The following HMBOX1 variants were observed in gnomAD, a reference collection of about 807,000 sequenced individuals.
HMBOX1 encodes the protein homeobox-containing protein 1.
HMBOX1 carries 14 observed loss-of-function variants against 54.5 expected under a neutral mutation model. The ratio of observed to expected loss-of-function variants is 0.26; its 90% CI spans 0.17 to 0.40. HMBOX1 has a LOEUF of 0.40. Among genes scored for constraint, HMBOX1 ranks in the 10% least tolerant of loss-of-function variants. HMBOX1 has a pLI of 1.00. For missense variants in HMBOX1, 332 were observed against 514.4 expected (o/e 0.65, Z 3.43); for synonymous variants, 160 against 181.0 (o/e 0.88, Z 0.93).
chr8:29,014,368 C>T (rs1300676725), intron 5 of HMBOX1, among the ~76,000 whole-genome samples: 1 of 152,104 alleles, frequency 6.6e-6, no homozygotes, highest in Admixed American at 6.5e-5. Context: ...AGTTTAAAGG[C>T]TTAAATACAT....
chr8:28,900,267 A>ACATATATAT (rs1243910972), intron 1 of HMBOX1, among the ~76,000 whole-genome samples: 1 of 54,508 alleles, frequency 1.8e-5, no homozygotes, highest in Non-Finnish European at 4.3e-5. Context: ...AAAAAAAAAA[A>ACATATATAT]AAAAATATAT....
chr8:28,903,000 A>T (rs910292760), intron 1 of HMBOX1, among the ~76,000 whole-genome samples: 1 of 152,208 alleles, frequency 6.6e-6, no homozygotes, highest in African/African-American at 2.4e-5. Flanking sequence ...TTTCTTTAAC[A>T]ATATATAATG....
intron 6 of HMBOX1, among the ~76,000 whole-genome samples, chr8:29,023,989 A>G (rs1021510658): frequency 9.9e-5 from 15 of 152,282 alleles, no homozygotes; most frequent in African/African-American, 3.1e-4. Context: ...TTTGTTATCT[A>G]TCGACGATTG....
intron 1 of HMBOX1, among the ~76,000 whole-genome samples, chr8:28,955,064 T>C (rs982520158): frequency 2.6e-5 from 4 of 152,202 alleles, no homozygotes; most frequent in African/African-American, 9.6e-5. Flanking sequence ...CTTGACTTCA[T>C]GTAATATTTT....
At chr8:28,897,282 G>GTT (rs546304456) in intron 1 of HMBOX1, among the ~76,000 whole-genome samples, 2,645 of 145,900 alleles carry the variant, frequency 0.018, 66 homozygotes, top group African/African-American at 0.063. Context: ...TGGTCGGCTA[G>GTT]TTTTTTTTTT....
intron 1 of HMBOX1, among the ~76,000 whole-genome samples, chr8:28,958,343 T>C (rs1314358151): frequency 6.6e-6 from 1 of 152,196 alleles, no homozygotes; most frequent in Non-Finnish European, 1.5e-5. Flanking sequence ...AAAAAGATAT[T>C]TTTCTCTTTT....
intron 3 of HMBOX1, among the ~76,000 whole-genome samples, chr8:28,972,323 C>T (rs748985920): frequency 3.3e-5 from 5 of 152,136 alleles, no homozygotes; most frequent in Non-Finnish European, 7.3e-5. Context: ...AGTGATTCTC[C>T]TGCTTTAGCC....
At chr8:28,909,653 C>T (rs898183072) in intron 1 of HMBOX1, among the ~76,000 whole-genome samples, 5 of 151,996 alleles carry the variant, frequency 3.3e-5, no homozygotes, top group African/African-American at 7.3e-5. Context: ...ACAGGTGCCT[C>T]GCCTGCTAAA....
chr8:28,896,778 T>G (rs1812195457), intron 1 of HMBOX1, among the ~76,000 whole-genome samples: 1 of 152,208 alleles, frequency 6.6e-6, no homozygotes, highest in African/African-American at 2.4e-5. Flanking sequence ...CACTCTATGG[T>G]GTTCGCTCAA....
chr8:28,905,348 C>A (rs1585682447), intron 1 of HMBOX1, among the ~76,000 whole-genome samples: 1 of 152,086 alleles, frequency 6.6e-6, no homozygotes, highest in African/African-American at 2.4e-5. Flanking sequence ...TGCGCACACA[C>A]ACGCACGCAC....
intron 4 of HMBOX1, among the ~76,000 whole-genome samples, chr8:28,990,834 A>G (rs1330711855): frequency 6.6e-6 from 1 of 152,002 alleles, no homozygotes; most frequent in African/African-American, 2.4e-5. Context: ...TTGTATTTTT[A>G]GTAGAGGCAG....
intron 1 of HMBOX1, among the ~76,000 whole-genome samples, chr8:28,959,102 A>G (rs1055460266): frequency 1.2e-4 from 19 of 152,060 alleles, no homozygotes; most frequent in Non-Finnish European, 2.9e-5. Context: ...CAGAAGATTC[A>G]TTCTTCTTAT....
At chr8:28,962,915 T>G (rs1825854706) in intron 1 of HMBOX1, among the ~76,000 whole-genome samples, 1 of 152,182 alleles carries the variant, frequency 6.6e-6, no homozygotes, top group East Asian at 1.9e-4. Context: ...GCTCCTCTAC[T>G]GTTGGGACCA....
In HMBOX1 at chr8:29,052,985, G is replaced by C. The variant is rs1398145708; in HGVS notation, c.*1830G>C. 1 of 152,370 alleles carries C rather than the reference G, an allele frequency of 6.6e-6. No individual in the cohort carries two copies. 9.4% of individuals were successfully genotyped at this position (152,370 alleles called of 1,614,324 possible). A position where few individuals can be genotyped will look rare whatever the true frequency, so the allele number is the denominator to read the frequency against. On this transcript the variant is annotated 3_prime_UTR_variant, in exon 10 of 10. Transcript: ENST00000287701. ...TCAACTTAAAACTGTGAGAGAGAGA[G>C]ACTGAATGACCTTCCTCAGTTTTCC...
At chr8:29,048,221 T>C (rs1417361872) in intron 8 of HMBOX1, among the ~76,000 whole-genome samples, 1 of 152,166 alleles carries the variant, frequency 6.6e-6, no homozygotes, top group East Asian at 1.9e-4. Context: ...ATAAAGAGCA[T>C]TTAAGAAATA....
chr8:28,910,474 G>C (rs574033562), intron 1 of HMBOX1, among the ~76,000 whole-genome samples: 8 of 152,248 alleles, frequency 5.3e-5, no homozygotes, highest in African/African-American at 1.9e-4. Context: ...AGCTTTTTAA[G>C]AAACTGCAAA....
At chr8:28,936,811 A>C (rs545390424) in intron 1 of HMBOX1, among the ~76,000 whole-genome samples, 8 of 151,774 alleles carry the variant, frequency 5.3e-5, no homozygotes, top group Admixed American at 2.6e-4. Context: ...AAAAAAAAAA[A>C]AAAACAGCCC....
chr8:28,992,165 C>G (rs1467679278), intron 4 of HMBOX1, among the ~76,000 whole-genome samples: 2 of 152,150 alleles, frequency 1.3e-5, no homozygotes, highest in Non-Finnish European at 2.9e-5. Context: ...AATCTGATTT[C>G]CATCCCTTAC....
At chr8:29,047,163 T>A (rs1383058522) in intron 7 of HMBOX1, among the ~76,000 whole-genome samples, 195 bp from the exon 8 acceptor site, 2 of 152,246 alleles carry the variant, frequency 1.3e-5, no homozygotes, top group Non-Finnish European at 2.9e-5. Flanking sequence ...GTTTTTGTAT[T>A]CATTTACATA....
Sources: allele counts gnomAD v4.1 joint callset (sites outside exome capture counted in the v4.1 genomes callset), GRCh38; gene constraint gnomAD v4.1.1; transcripts MANE v1.5; gene names NCBI Gene and HGNC (gene_info 2026-07-23, HGNC 2026-07-21).